TBXAS1: variants seen among roughly 807,000 people sequenced by gnomAD.
TBXAS1 encodes thromboxane-A synthase.
In TBXAS1, 48 loss-of-function variants were observed where a neutral mutation model predicts 60.7. The ratio of observed to expected loss-of-function variants is 0.79; its 90% confidence interval spans 0.63 to 1.01. The LOEUF (loss-of-function observed/expected upper bound fraction) is 1.01. Ranked by LOEUF, TBXAS1 falls within the 50% of genes least tolerant of loss-of-function variation. The probability of loss-of-function intolerance (pLI) is 0.00; values close to 1 mark genes in which losing one functional copy is unlikely to be tolerated. For synonymous variants in TBXAS1, 287 were observed against 269.7 expected, an observed-to-expected ratio of 1.06 and a Z score of -0.63; for missense variants, 685 against 686.3, an observed-to-expected ratio of 1.00 and a Z score of 0.02.
chr7:139,824,829 CTTT>C (rs1192880390), upstream of TBXAS1, among the ~76,000 whole-genome samples: 1 of 38,856 alleles, frequency 2.6e-5, no homozygotes. Flanking sequence ...TTTTCCTTTT[CTTT>C]TTTTTTTTTT....
At chr7:139,883,466 G>C (rs1802848519) in intron 3 of TBXAS1, among the ~76,000 whole-genome samples, 1 of 152,166 alleles carries the variant, frequency 6.6e-6, no homozygotes. Flanking sequence ...GGTGATGGTT[G>C]CTGCATATTT....
intron 9 of TBXAS1, among the ~76,000 whole-genome samples, chr7:139,968,287 TTTTTGTTTTG>T (rs1024345063): frequency 1.3e-5 from 2 of 152,024 alleles, no homozygotes; most frequent in African/African-American, 2.4e-5. Flanking sequence ...TTTTTGTTTG[TTTTTGTTTTG>T]TTTTGTTTTG....
intron 3 of TBXAS1, among the ~76,000 whole-genome samples, chr7:139,903,190 A>G (rs1288102806): frequency 2.0e-5 from 3 of 152,084 alleles, no homozygotes; most frequent in Non-Finnish European, 2.9e-5. Flanking sequence ...GTGAGAACAT[A>G]GGATGTTTGG....
At chr7:139,837,351 T>G (rs1799135641) in intron 1 of TBXAS1, among the ~76,000 whole-genome samples, 1 of 152,252 alleles carries the variant, frequency 6.6e-6, no homozygotes, top group Non-Finnish European at 1.5e-5. Context: ...TTGAAAAAGA[T>G]ACTTGAATAT....
intron 5 of TBXAS1, among the ~76,000 whole-genome samples, chr7:139,936,725 C>T (rs191671356): frequency 1.1e-3 from 175 of 152,300 alleles, no homozygotes; most frequent in Admixed American, 2.6e-3. Flanking sequence ...TTTATAACAC[C>T]CGGCCAGGTA....
At chr7:139,874,443 A>G (rs1802065307) in intron 2 of TBXAS1, among the ~76,000 whole-genome samples, 1 of 152,124 alleles carries the variant, frequency 6.6e-6, no homozygotes, top group African/African-American at 2.4e-5. Flanking sequence ...CGCCATCCTC[A>G]CAGCTACAAG....
chr7:139,895,664 A>G (rs1006741134), intron 3 of TBXAS1, among the ~76,000 whole-genome samples: 1 of 152,244 alleles, frequency 6.6e-6, no homozygotes, highest in African/African-American at 2.4e-5. Context: ...GGGGATCTGG[A>G]CGACATGTCT....
intron 4 of TBXAS1, among the ~76,000 whole-genome samples, chr7:139,792,455 G>T (rs1305544994): frequency 6.6e-6 from 1 of 152,154 alleles, no homozygotes; most frequent in African/African-American, 2.4e-5. Flanking sequence ...TATTCTCTCT[G>T]CAGGTCCCAG....
intron 4 of TBXAS1, among the ~76,000 whole-genome samples, chr7:139,813,530 G>A (rs1462955164): frequency 6.6e-6 from 1 of 152,188 alleles, no homozygotes; most frequent in African/African-American, 2.4e-5. Flanking sequence ...GTTTGGTTAT[G>A]TTATATCCTG....
intron 9 of TBXAS1, among the ~76,000 whole-genome samples, chr7:139,982,563 A>G (rs1199961369): frequency 6.6e-6 from 1 of 152,356 alleles, no homozygotes; most frequent in Non-Finnish European, 1.5e-5. Flanking sequence ...AATATAATTT[A>G]TAATTCAACC....
chr7:139,840,243 A>T (rs1336666426), intron 1 of TBXAS1, among the ~76,000 whole-genome samples: 1 of 152,168 alleles, frequency 6.6e-6, no homozygotes, highest in African/African-American at 2.4e-5. Flanking sequence ...TTGGGATGGA[A>T]TATGGGAGCC....
At position 139,814,231 on chromosome 7, in the gene TBXAS1, T is replaced by C. The variant is rs376564506; in HGVS notation, c.-79-15081T>C. Among the ~76,000 whole-genome samples, 22 of 152,354 alleles carry C rather than the reference T, an allele frequency of 1.4e-4. No individual in the cohort carries two copies. The East Asian group carries it at 2.9e-3, about 20-fold the overall frequency. ...CAGCCTATGGCTCAGACAATTGGTT[T>C]GTTTTCCACGAAGGTTTAAAGTGTG... On this transcript the variant is annotated intron_variant, in intron 4 of 16. Coordinates refer to the TBXAS1 transcript ENST00000336425.
At chr7:139,799,915 A>G (rs533105081) in intron 4 of TBXAS1, among the ~76,000 whole-genome samples, 6 of 152,296 alleles carry the variant, frequency 3.9e-5, no homozygotes, top group African/African-American at 1.2e-4. Flanking sequence ...TTATCTGCCC[A>G]TATCCCATCA....
chr7:139,907,662 TG>T (rs1403818803), intron 3 of TBXAS1, among the ~76,000 whole-genome samples: 1 of 152,118 alleles, frequency 6.6e-6, no homozygotes, highest in Non-Finnish European at 1.5e-5. Context: ...CTAAGTACAT[TG>T]AGTACCACAT....
At chr7:139,811,780 T>C (rs1451016706) in intron 4 of TBXAS1, among the ~76,000 whole-genome samples, 2 of 152,218 alleles carry the variant, frequency 1.3e-5, no homozygotes, top group African/African-American at 2.4e-5. Flanking sequence ...TCAAATGGCA[T>C]GGAATGTACT....
intron 3 of TBXAS1, among the ~76,000 whole-genome samples, chr7:139,881,097 C>T (rs760254347): frequency 5.3e-5 from 8 of 152,130 alleles, no homozygotes; most frequent in Non-Finnish European, 1.2e-4. Context: ...CTGAGGGATC[C>T]TTTGCCACTT....
At position 139,966,829 on chromosome 7, in the gene TBXAS1, G is replaced by A. The variant is rs565829419; in HGVS notation, c.1134+4596G>A. ...GGCTGACCTGTGGCCTGAGGATGCC[G>A]CCCTGCGGGAGGAGAGGTCTGTTTT... On this transcript the variant is annotated intron_variant, in intron 9 of 12. Coordinates refer to ENST00000448866, the MANE Select transcript of TBXAS1 (RefSeq NM_001061.7). 1.1e-3 allele frequency among the ~76,000 whole-genome samples: 166 copies of A among 152,300 alleles called. 3 individuals carry two copies. The highest frequency in any genetic ancestry group is 3.7e-4 in the Non-Finnish European group (25 of 68,024).
intron 8 of TBXAS1, among the ~76,000 whole-genome samples, chr7:139,958,293 G>A (rs1177606266): frequency 1.3e-5 from 2 of 152,132 alleles, no homozygotes; most frequent in Non-Finnish European, 2.9e-5. Flanking sequence ...TCCTTGGCAC[G>A]ATTCATATGA....
At chr7:139,977,140 C>T (rs1811621336) in intron 9 of TBXAS1, among the ~76,000 whole-genome samples, 1 of 152,166 alleles carries the variant, frequency 6.6e-6, no homozygotes, top group South Asian at 2.1e-4. Flanking sequence ...CTGGTCTATG[C>T]ATCGACTCTA....
Sources: allele counts gnomAD v4.1 joint callset (sites outside exome capture counted in the v4.1 genomes callset), GRCh38; gene constraint gnomAD v4.1.1; transcripts MANE v1.5; gene names NCBI Gene and HGNC (gene_info 2026-07-23, HGNC 2026-07-21).